The following SCN1A variants were observed in gnomAD, a reference collection of about 807,000 sequenced individuals.
SCN1A encodes sodium voltage-gated channel alpha subunit 1, also known as sodium channel protein type 1 subunit alpha.
A neutral mutation model predicts 193.7 loss-of-function variants in SCN1A; 13 were observed. The ratio of observed to expected loss-of-function variants is 0.07; its 90% CI spans 0.04 to 0.11. The LOEUF is 0.11. Among genes scored for constraint, SCN1A ranks in the 10% least tolerant of loss-of-function variants. The pLI, the probability that SCN1A is intolerant of heterozygous loss-of-function variation, is 1.00. For missense variants in SCN1A, 1,432 were observed against 2,451.1 expected (o/e 0.58, Z 8.78); for synonymous variants, 781 against 843.6 (o/e 0.93, Z 1.29).
At position 165,991,653 on chromosome 2, in the gene SCN1A, C is replaced by G; in HGVS notation, c.5622G>C (p.Arg1874=). 1 of 1,613,884 alleles carries G rather than the reference C, an allele frequency of 6.2e-7. No homozygotes were observed. The highest frequency in any genetic ancestry group is 2.2e-5 in the East Asian group (1 of 44,844). The change falls in exon 29 of 29, where the codon CGG becomes CGC. Residue 1874 remains arginine, a synonymous_variant. Transcript: ENST00000674923. ...CCATCTCTCCACTCTCTCCTAGAAC[C>G]CGCTTTGTAAAAGCAAATAAGATAT... The part of the protein sequence containing the change: ...CLDILFAFTK[R]VLGESGEMDA...
intron 2 of SCN1A, among the ~76,000 whole-genome samples, chr2:166,091,806 A>G (rs1686836359): frequency 6.6e-6 from 1 of 152,208 alleles, no homozygotes; most frequent in Non-Finnish European, 1.5e-5. Context: ...ATGCATAATC[A>G]TTCTATGCAA....
At chr2:166,047,870 A>C in intron 10 of SCN1A, 102 bp from the exon 11 acceptor site, 4 of 1,527,996 alleles carry the variant, frequency 2.6e-6, no homozygotes, top group Non-Finnish European at 3.6e-6. Flanking sequence ...GGTATTTCAA[A>C]ATAAAAGTTT....
intron 28 of SCN1A, chr2:165,993,885 G>T: frequency 2.0e-6 from 1 of 505,482 alleles, no homozygotes; most frequent in Non-Finnish European, 3.5e-6. Flanking sequence ...TTTTATTTTA[G>T]TTAATAGCAC....
intron 2 of SCN1A, among the ~76,000 whole-genome samples, chr2:166,094,699 T>C (rs764176352): frequency 2.6e-5 from 4 of 151,528 alleles, no homozygotes; most frequent in Admixed American, 6.6e-5. Flanking sequence ...GAATAGAATT[T>C]AACAACAACA....
In SCN1A at chr2:166,012,374, A is replaced by C. The variant is rs1574053523; in HGVS notation, c.3706-92T>G. The C allele has an allele frequency of 5.0e-6, 5 of 1,003,698 alleles. No homozygotes were observed. In the East Asian group the frequency reaches 1.3e-4, roughly 26 times the overall value. 62.2% of individuals were successfully genotyped at this position (1,003,698 alleles called of 1,614,324 possible). A position where few individuals can be genotyped will look rare whatever the true frequency, so the allele number is the denominator to read the frequency against. ...ATTAATCATATGCATATGACATTTCATTGGAATAGGAGGGCAGAGAAACAG... is the reference window on the plus strand; with the variant it reads ...ATTAATCATATGCATATGACATTTCCTTGGAATAGGAGGGCAGAGAAACAG... On this transcript the variant is annotated intron_variant, in intron 21 of 28. Coordinates refer to ENST00000674923, the MANE Select transcript of SCN1A (RefSeq NM_001165963.4).
chr2:165,989,816 A>G lies in SCN1A; in HGVS notation c.*1429T>C, dbSNP rs1439107641. On this transcript the variant is annotated 3_prime_UTR_variant, in exon 29 of 29. Transcript: ENST00000674923. ...AAAATAAAATAAAGTGACTTTTTACAGTATTTATATTTGCTTATAAAATTC... is the reference window on the plus strand; with the variant it reads ...AAAATAAAATAAAGTGACTTTTTACGGTATTTATATTTGCTTATAAAATTC... 2 of 152,616 alleles carry G rather than the reference A, an allele frequency of 1.3e-5. No individual in the cohort carries two copies. The highest frequency in any genetic ancestry group is 3.9e-4 in the East Asian group (2 of 5,188). 9.5% of individuals were successfully genotyped at this position (152,616 alleles called of 1,614,324 possible). A position where few individuals can be genotyped will look rare whatever the true frequency, so the allele number is the denominator to read the frequency against.
intron 2 of SCN1A, among the ~76,000 whole-genome samples, chr2:166,082,215 G>T (rs1559300224): frequency 6.6e-6 from 1 of 151,848 alleles, no homozygotes; most frequent in African/African-American, 2.4e-5. Flanking sequence ...CTGAATCAAA[G>T]AAAAATGGGC....
intron 21 of SCN1A, among the ~76,000 whole-genome samples, chr2:166,013,243 A>G (rs571755819): frequency 6.6e-6 from 1 of 151,564 alleles, no homozygotes; most frequent in Non-Finnish European, 1.5e-5. Flanking sequence ...CCCAATATTT[A>G]TTGTTACCAA....
At chr2:166,058,538 A>C in intron 5 of SCN1A, 32 bp downstream of exon 5, 2 of 1,214,992 alleles carry the variant, frequency 1.6e-6, no homozygotes, top group Non-Finnish European at 2.4e-6. Context: ...TCATGTACAA[A>C]TAGTTAATAT....
chr2:166,117,690 G>A lies in SCN1A; in HGVS notation c.-142+9234C>T, dbSNP rs571407864. ...TGTGGACCACATTTTGAAAATAACTGCTAAAATCACATTAAGAATTTTTTG... is the reference window on the plus strand; with the variant it reads ...TGTGGACCACATTTTGAAAATAACTACTAAAATCACATTAAGAATTTTTTG... On this transcript the variant is annotated intron_variant, in intron 2 of 28. Transcript: ENST00000674923. Among the ~76,000 whole-genome samples, 225 of 152,304 alleles carry A rather than the reference G, an allele frequency of 1.5e-3. 1 individual carries two copies. The highest frequency in any genetic ancestry group is 5.1e-3 in the African/African-American group (212 of 41,588).
Position 166,046,937 on chromosome 2 carries a change from C to T in SCN1A, c.1210G>A (p.Val404Ile). The change falls in exon 12 of 29, where the codon GTA (valine) becomes ATA (isoleucine). Residue 404 changes from valine to isoleucine, a missense_variant. By Grantham distance (29) the Val-to-Ile change is conservative (BLOSUM62 3). This residue lies in a region of SCN1A where 58 missense variants were observed against 103.4 expected (regional missense o/e 0.56). Coordinates refer to ENST00000674923, the MANE Select transcript of SCN1A (RefSeq NM_001165963.4). ...AAGKTYMIFF[V>I]LVIFLGSFYL... Reference sequence around the variant, plus strand: ...AATGAGCCCAAGAAAATGACCAATACAAAAAATATCATGTACGTTTTCCCA... The same window carrying T: ...AATGAGCCCAAGAAAATGACCAATATAAAAAATATCATGTACGTTTTCCCA... The T allele has an allele frequency of 6.2e-7, 1 of 1,613,858 alleles. No individual in the cohort carries two copies. Among genetic ancestry groups the T allele is most frequent in the Non-Finnish European group, 8.5e-7 (1 of 1,179,790 alleles).
chr2:166,049,558 T>G (rs972882627), intron 9 of SCN1A, among the ~76,000 whole-genome samples: 15 of 151,998 alleles, frequency 9.9e-5, no homozygotes, highest in Admixed American at 5.9e-4. Context: ...TCTTAAATAC[T>G]AAAGCTAAAA....
At chr2:166,083,049 C>T (rs1685708903) in intron 2 of SCN1A, among the ~76,000 whole-genome samples, 1 of 152,018 alleles carries the variant, frequency 6.6e-6, no homozygotes, top group East Asian at 1.9e-4. Flanking sequence ...ATAAAAATAA[C>T]TAGGTAAAAT....
intron 1 of SCN1A, among the ~76,000 whole-genome samples, chr2:166,135,921 AGAG>A (rs1691837655): frequency 6.6e-6 from 1 of 152,210 alleles, no homozygotes; most frequent in Non-Finnish European, 1.5e-5. Flanking sequence ...AGCATGGGAT[AGAG>A]GTGCTAGGCA....
intron 19 of SCN1A, among the ~76,000 whole-genome samples, chr2:166,026,153 G>T (rs76577172): frequency 1.3e-5 from 2 of 151,894 alleles, no homozygotes; most frequent in Non-Finnish European, 2.9e-5. Flanking sequence ...AAAATTTTCT[G>T]TAAATATGTT....
intron 1 of SCN1A, among the ~76,000 whole-genome samples, chr2:166,147,866 G>T (rs562627120): frequency 2.0e-5 from 3 of 152,120 alleles, no homozygotes; most frequent in Admixed American, 6.5e-5. Context: ...TTTATTTTAC[G>T]ATCACTCATT....
Position 166,126,979 on chromosome 2 carries a change from C to T in SCN1A, c.-197G>A, listed in dbSNP as rs1691319150. 6.6e-6 allele frequency: 1 copy of T among 152,282 alleles called. No individual in the cohort carries two copies. Among genetic ancestry groups the T allele is most frequent in the Non-Finnish European group, 1.5e-5 (1 of 68,078 alleles). The allele number at this position is 152,282 out of a possible 1,614,324, so 9.4% of individuals were successfully genotyped here. A position where few individuals can be genotyped will look rare whatever the true frequency, so the allele number is the denominator to read the frequency against. ...ATAGCAAAGACATTTGGACAAGCCT[C>T]ACCTCCACTCAGAAATAATTCTTAT... is the stretch of plus-strand genomic sequence containing the variant. On this transcript the variant is annotated 5_prime_UTR_variant, in exon 2 of 29. An upstream open reading frame in the 5' UTR loses its in-frame stop. Coordinates refer to ENST00000674923, the MANE Select transcript of SCN1A (RefSeq NM_001165963.4).
At position 165,991,441 on chromosome 2, in the gene SCN1A, T is replaced by C. The variant is rs767935681; in HGVS notation, c.5834A>G (p.Asn1945Ser). The part of the protein sequence containing the change: ...VKQASFTYNK[N>S]KIKGGANLLI... ...AAGATTAGCCCCACCTTTGATTTTGTTTTTATTGTACGTAAAGGAAGCTTG... is the reference window on the plus strand; with the variant it reads ...AAGATTAGCCCCACCTTTGATTTTGCTTTTATTGTACGTAAAGGAAGCTTG... Residue 1945 changes from asparagine (N) to serine (S), a missense_variant, in exon 29 of 29, where the codon AAC (asparagine) becomes AGC (serine). Coordinates refer to ENST00000674923, the MANE Select transcript of SCN1A (RefSeq NM_001165963.4). 4 of 1,613,874 alleles carry C rather than the reference T, an allele frequency of 2.5e-6. No individual in the cohort carries two copies. The Admixed American group carries it at 6.7e-5, about 27-fold the overall frequency.
chr2:166,030,075 C>T (rs1201737057), intron 19 of SCN1A, among the ~76,000 whole-genome samples: 1 of 152,156 alleles, frequency 6.6e-6, no homozygotes. Flanking sequence ...TAGTTGACAC[C>T]TGTACCTAGT....
Sources: allele counts gnomAD v4.1 joint callset (sites outside exome capture counted in the v4.1 genomes callset), GRCh38; gene constraint gnomAD v4.1.1; regional missense constraint gnomAD v4.1.1; transcripts MANE v1.5; gene names NCBI Gene and HGNC (gene_info 2026-07-23, HGNC 2026-07-21).